The following ETV6 variants were observed in gnomAD, a reference collection of about 807,000 sequenced individuals.
ETV6 encodes the protein transcription factor ETV6.
ETV6 carries 16 observed loss-of-function variants against 51.1 expected under a neutral mutation model. The ratio of observed to expected loss-of-function variants is 0.31; its 90% confidence interval spans 0.21 to 0.48. The LOEUF (loss-of-function observed/expected upper bound fraction) is 0.48. ETV6 is among the 20% of genes least tolerant of loss of function. The pLI is 0.99. For synonymous variants in ETV6, 240 were observed against 224.1 expected (o/e 1.07, Z -0.64); for missense variants, 458 against 594.8 (o/e 0.77, Z 2.39).
At chr12:11,693,630 G>T (rs924946107) in intron 1 of ETV6, among the ~76,000 whole-genome samples, 1 of 152,120 alleles carries the variant, frequency 6.6e-6, no homozygotes, top group Non-Finnish European at 1.5e-5. Context: ...TTCTGTCCAG[G>T]GTCTGGACCA....
chr12:11,658,523 C>T (rs776278703), intron 1 of ETV6, among the ~76,000 whole-genome samples: 1 of 152,238 alleles, frequency 6.6e-6, no homozygotes, highest in Non-Finnish European at 1.5e-5. Context: ...GCGTGAGCCA[C>T]TGTCCCCGGC....
chr12:11,886,583 G>A (rs1014928652), intron 7 of ETV6, among the ~76,000 whole-genome samples: 6 of 152,126 alleles, frequency 3.9e-5, no homozygotes, highest in Non-Finnish European at 8.8e-5. Flanking sequence ...GTGTATGTAC[G>A]TGATGAGTCA....
chr12:11,851,812 A>T (rs1042089467), intron 3 of ETV6, among the ~76,000 whole-genome samples: 2 of 152,250 alleles, frequency 1.3e-5, no homozygotes, highest in African/African-American at 4.8e-5. Context: ...GGAATCCCTT[A>T]GAATAGGGTA....
chr12:11,677,462 G>T (rs1490653719), intron 1 of ETV6, among the ~76,000 whole-genome samples: 1 of 152,146 alleles, frequency 6.6e-6, no homozygotes, highest in African/African-American at 2.4e-5. Flanking sequence ...TGACGGCACT[G>T]CACTAAGACC....
chr12:11,652,013 A>T (rs975946571), intron 1 of ETV6, among the ~76,000 whole-genome samples: 4 of 152,214 alleles, frequency 2.6e-5, no homozygotes, highest in Non-Finnish European at 5.9e-5. Context: ...ACTCACATAC[A>T]GAACCAATCC....
intron 1 of ETV6, among the ~76,000 whole-genome samples, chr12:11,720,055 C>T (rs1565498099): frequency 2.0e-5 from 3 of 152,178 alleles, no homozygotes; most frequent in Admixed American, 6.5e-5. Context: ...ATAAACAGGA[C>T]TGGTGGCAGT....
intron 2 of ETV6, among the ~76,000 whole-genome samples, chr12:11,830,869 A>G (rs1415465914): frequency 6.6e-6 from 1 of 152,222 alleles, no homozygotes; most frequent in Non-Finnish European, 1.5e-5. Context: ...CAAATGAGGA[A>G]TTGTCTGGAA....
chr12:11,771,879 A>C (rs988394262), intron 2 of ETV6, among the ~76,000 whole-genome samples: 1 of 152,228 alleles, frequency 6.6e-6, no homozygotes, highest in African/African-American at 2.4e-5. Flanking sequence ...ACTTGGAGTC[A>C]GGAAGCCTGG....
chr12:11,776,839 C>T (rs972995205), intron 2 of ETV6, among the ~76,000 whole-genome samples: 1 of 152,248 alleles, frequency 6.6e-6, no homozygotes, highest in Non-Finnish European at 1.5e-5. Context: ...CCGATGCTGA[C>T]AAACCTTCTT....
chr12:11,651,839 AAAC>A (rs1339150767), intron 1 of ETV6, among the ~76,000 whole-genome samples: 1 of 152,222 alleles, frequency 6.6e-6, no homozygotes, highest in Non-Finnish European at 1.5e-5. Context: ...TTTAGGGCAA[AAAC>A]AACAAAAAAC....
chr12:11,852,915 G>A (rs189704901), intron 3 of ETV6, among the ~76,000 whole-genome samples: 5 of 152,230 alleles, frequency 3.3e-5, no homozygotes, highest in Middle Eastern at 3.4e-3. Flanking sequence ...GGCCGTGCAC[G>A]GTAGCTTACA....
intron 1 of ETV6, among the ~76,000 whole-genome samples, chr12:11,729,108 C>T (rs991704173): frequency 1.6e-4 from 25 of 152,236 alleles, no homozygotes; most frequent in African/African-American, 5.5e-4. Flanking sequence ...AAATTGGGCT[C>T]TGCTCAAGTG....
intron 1 of ETV6, among the ~76,000 whole-genome samples, chr12:11,694,513 G>GT (rs1400655147): frequency 1.3e-5 from 2 of 152,210 alleles, no homozygotes; most frequent in African/African-American, 4.8e-5. Flanking sequence ...ATGTCATTGA[G>GT]TGCAGAGACT....
intron 5 of ETV6, among the ~76,000 whole-genome samples, chr12:11,870,471 G>A (rs140637240): frequency 3.3e-5 from 5 of 152,222 alleles, no homozygotes; most frequent in African/African-American, 1.2e-4. Context: ...GGGCCATTTG[G>A]ACAGAGGAAA....
At chr12:11,810,437 G>A (rs1945896698) in intron 2 of ETV6, among the ~76,000 whole-genome samples, 1 of 152,224 alleles carries the variant, frequency 6.6e-6, no homozygotes, top group Admixed American at 6.5e-5. Context: ...TAGGTATGGA[G>A]GGTGCATGTG....
chr12:11,733,265 A>G (rs1377439345), intron 1 of ETV6, among the ~76,000 whole-genome samples: 1 of 152,014 alleles, frequency 6.6e-6, no homozygotes, highest in Non-Finnish European at 1.5e-5. Context: ...AAATTTAGCC[A>G]GGCATGGTGG....
chr12:11,793,016 C>T (rs1945625347), intron 2 of ETV6, among the ~76,000 whole-genome samples: 1 of 151,848 alleles, frequency 6.6e-6, no homozygotes, highest in South Asian at 2.1e-4. Context: ...AAATTCACAT[C>T]CACTAATGTT....
chr12:11,755,434 T>C (rs1006526019), intron 2 of ETV6, among the ~76,000 whole-genome samples: 4 of 152,210 alleles, frequency 2.6e-5, no homozygotes, highest in African/African-American at 9.7e-5. Flanking sequence ...CACCATTGGT[T>C]CTGACATCTG....
At chr12:11,763,274 T>A (rs147573728) in intron 2 of ETV6, among the ~76,000 whole-genome samples, 2 of 152,364 alleles carry the variant, frequency 1.3e-5, no homozygotes, top group East Asian at 3.8e-4. Flanking sequence ...TTCCCCTATT[T>A]ACAACTCTGT....
Sources: allele counts gnomAD v4.1 joint callset (sites outside exome capture counted in the v4.1 genomes callset), GRCh38; gene constraint gnomAD v4.1.1; transcripts MANE v1.5; gene names NCBI Gene and HGNC (gene_info 2026-07-23, HGNC 2026-07-21).